The following ZNF655 variants were observed in gnomAD, a reference collection of about 807,000 sequenced individuals.
ZNF655 encodes zinc finger protein 655, also known as Vav-interacting Kruppel-like protein 1.
Under a neutral mutation model 6.6 loss-of-function variants are expected in ZNF655, and 3 were observed. The observed-to-expected ratio is 0.46, with a 90% CI of 0.21 to 1.18. ZNF655 has a LOEUF of 1.18. ZNF655 is among the 50% of genes most tolerant of loss of function. The probability of loss-of-function intolerance (pLI) is 0.24; values close to 1 mark genes in which losing one functional copy is unlikely to be tolerated. For synonymous variants in ZNF655, 178 were observed against 195.0 expected (o/e 0.91, Z 0.73); for missense variants, 526 against 572.3 (o/e 0.92, Z 0.83).
rs150697742 is a variant in ZNF655 at position 99,573,470 on chromosome 7, A to G, written c.1362A>G (p.Gln454=). The G allele has an allele frequency of 6.2e-7, 1 of 1,613,764 alleles. No homozygotes were observed. Among genetic ancestry groups the G allele is most frequent in the Non-Finnish European group, 8.5e-7 (1 of 1,180,030 alleles). The change falls in exon 3 of 3, where the codon CAA becomes CAG. Residue 454 remains glutamine, a synonymous_variant. Coordinates refer to ENST00000252713, the MANE Select transcript of ZNF655 (RefSeq NM_138494.3). ...SFSHSSDLIL[Q]QEVLTRQKAF... is the part of the protein sequence containing the mutation. ...GTCATAGCTCAGATCTTATCCTGCA[A>G]CAAGAAGTCCTCACCAGACAGAAAG...
At chr7:99,570,541 G>C (rs955275445) in intron 2 of ZNF655, 1 of 152,196 alleles carries the variant, frequency 6.6e-6, no homozygotes. Context: ...TGGGCGCACA[G>C]AGTTGGCACT....
intron 2 of ZNF655, chr7:99,570,072 A>C (rs1803922605): frequency 6.6e-6 from 1 of 152,202 alleles, no homozygotes; most frequent in African/African-American, 2.4e-5. Context: ...TTAAACACAC[A>C]TCTAAAATCA....
At chr7:99,566,218 A>G (rs572072616) in intron 2 of ZNF655, among the ~76,000 whole-genome samples, 10 of 152,286 alleles carry the variant, frequency 6.6e-5, no homozygotes, top group African/African-American at 2.4e-4. Flanking sequence ...AAGCCCCTGC[A>G]CTTTTTCACT....
In ZNF655 at chr7:99,573,513, T is replaced by C; in HGVS notation, c.1405T>C (p.Trp469Arg). 1 of 1,611,880 alleles carries C rather than the reference T, an allele frequency of 6.2e-7. No individual in the cohort carries two copies. The highest frequency in any genetic ancestry group is 8.5e-7 in the Non-Finnish European group (1 of 1,179,990). Reference protein sequence around the residue: ...TRQKAFDCDVWEKNSSQRAHL... With the variant: ...TRQKAFDCDVREKNSSQRAHL... ...ACAGAAAGCCTTTGATTGTGATGTATGGGAAAAGAACTCCAGTCAGAGAGC... is the reference window on the plus strand; with the variant it reads ...ACAGAAAGCCTTTGATTGTGATGTACGGGAAAAGAACTCCAGTCAGAGAGC... The change falls in exon 3 of 3, where the codon TGG (tryptophan) becomes CGG (arginine). Residue 469 changes from tryptophan (W) to arginine (R), a missense_variant. Coordinates refer to ENST00000252713, the MANE Select transcript of ZNF655 (RefSeq NM_138494.3).
chr7:99,558,790 G>A lies in ZNF655; in HGVS notation c.-28+3G>A, dbSNP rs1802810416. 6.6e-6 allele frequency: 1 copy of A among 152,354 alleles called. No homozygotes were observed. 9.4% of individuals were successfully genotyped at this position (152,354 alleles called of 1,614,324 possible). A position where few individuals can be genotyped will look rare whatever the true frequency, so the allele number is the denominator to read the frequency against. ...GGCCAGGCCCGCCCCTCCCCTCGGT[G>A]AGTACCCGGAAGCCGTTTTGGGGTC... On this transcript the variant is annotated splice_donor_region_variant and intron_variant, in intron 1 of 2. Coordinates refer to ENST00000252713, the MANE Select transcript of ZNF655 (RefSeq NM_138494.3).
intron 2 of ZNF655, among the ~76,000 whole-genome samples, chr7:99,568,838 A>G (rs181882652): frequency 6.6e-6 from 1 of 152,086 alleles, no homozygotes; most frequent in East Asian, 1.9e-4. Context: ...AGGCTGGAGT[A>G]CAGTGGTGTG....
At position 99,572,724 on chromosome 7, in the gene ZNF655, C is replaced by T. The variant is rs2151170622; in HGVS notation, c.616C>T (p.Pro206Ser). Residue 206 changes from proline (P) to serine (S), a missense_variant, in exon 3 of 3, where the codon CCT (proline) becomes TCT (serine). Coordinates refer to ENST00000252713, the MANE Select transcript of ZNF655 (RefSeq NM_138494.3). ...LSHLNKWESI[P>S]NTEKSYKCDV... Reference sequence around the variant, plus strand: ...CCACCTTAATAAATGGGAGAGCATCCCTAACACTGAGAAATCCTATAAATG... The same window carrying T: ...CCACCTTAATAAATGGGAGAGCATCTCTAACACTGAGAAATCCTATAAATG... 4 of 1,612,982 alleles carry T rather than the reference C, an allele frequency of 2.5e-6. No homozygotes were observed. The highest frequency in any genetic ancestry group is 3.4e-6 in the Non-Finnish European group (4 of 1,179,920).
intron 2 of ZNF655, among the ~76,000 whole-genome samples, chr7:99,570,034 A>G (rs1562936578): frequency 1.3e-5 from 2 of 152,060 alleles, no homozygotes; most frequent in South Asian, 2.1e-4. Flanking sequence ...TCTGCTGGGC[A>G]TTTTCTCTTA....
intron 2 of ZNF655, 134 bp downstream of exon 2, chr7:99,560,829 G>T: frequency 8.8e-7 from 1 of 1,139,294 alleles, no homozygotes; most frequent in Non-Finnish European, 1.2e-6. Flanking sequence ...AATGAAAGAG[G>T]GGGCAGATGT....
intron 2 of ZNF655, among the ~76,000 whole-genome samples, chr7:99,568,002 T>C (rs1304970400): frequency 1.4e-5 from 2 of 143,582 alleles, no homozygotes; most frequent in Admixed American, 7.3e-5. Context: ...GAGGTTGCAG[T>C]GAGCCAAGAT....
rs889065106 is a variant in ZNF655, at chr7:99,574,346, G to T, written c.*762G>T. 1 of 152,072 alleles carries T rather than the reference G, an allele frequency of 6.6e-6. No homozygotes were observed. The highest frequency in any genetic ancestry group is 2.4e-5 in the African/African-American group (1 of 41,420). 9.4% of individuals were successfully genotyped at this position (152,072 alleles called of 1,614,324 possible). The stretch of plus-strand genomic sequence containing the variant: ...GTAAATGCAGTGACATTTTCTCATG[G>T]AGTTCCTTTATTTAATATGTATTCT... On this transcript the variant is annotated 3_prime_UTR_variant, in exon 3 of 3. Transcript: ENST00000252713.
intron 2 of ZNF655, chr7:99,562,353 G>C: frequency 6.2e-7 from 1 of 1,613,788 alleles, no homozygotes; most frequent in Non-Finnish European, 8.5e-7. Flanking sequence ...GAGCAGCCAG[G>C]ATGTGTTATT....
At chr7:99,569,598 CT>C (rs1405672216) in intron 2 of ZNF655, among the ~76,000 whole-genome samples, 1 of 152,142 alleles carries the variant, frequency 6.6e-6, no homozygotes, top group African/African-American at 2.4e-5. Flanking sequence ...GTATTCCCAT[CT>C]GTAAAATGGC....
At chr7:99,562,040 C>A in intron 2 of ZNF655, 2 of 1,366,748 alleles carry the variant, frequency 1.5e-6, no homozygotes, top group South Asian at 1.5e-5. Context: ...GCCTCTCTCT[C>A]ATCCCATCTG....
In ZNF655 at chr7:99,572,971, C is replaced by A; in HGVS notation, c.863C>A (p.Ser288Ter). 1 of 1,614,146 alleles carries A rather than the reference C, an allele frequency of 6.2e-7. No homozygotes were observed. Reference protein sequence around the residue: ...EASDKSCSPSSGIIQHKKIHT... With the variant: ...EASDKSCSPS Reference sequence around the variant, plus strand: ...TCTGATAAATCCTGTAGTCCAAGCTCAGGCATAATTCAGCATAAGAAAATT... The same window carrying A: ...TCTGATAAATCCTGTAGTCCAAGCTAAGGCATAATTCAGCATAAGAAAATT... Residue 288 changes from serine to a stop codon, truncating the protein, a stop_gained, in exon 3 of 3, where the codon TCA becomes TAA. Coordinates refer to ENST00000252713, the MANE Select transcript of ZNF655 (RefSeq NM_138494.3). LOFTEE classifies it low-confidence loss of function (END_TRUNC).
chr7:99,563,586 G>A (rs1283085196), intron 2 of ZNF655, among the ~76,000 whole-genome samples: 1 of 152,096 alleles, frequency 6.6e-6, no homozygotes, highest in African/African-American at 2.4e-5. Flanking sequence ...CCAAAGTGCT[G>A]GAATTACAGG....
intron 2 of ZNF655, chr7:99,563,092 G>A (rs1248798393): frequency 7.4e-6 from 3 of 403,710 alleles, no homozygotes; most frequent in Admixed American, 2.6e-5. Flanking sequence ...GTAATCCCAC[G>A]TAACCACACC....
intron 2 of ZNF655, chr7:99,563,723 T>C: frequency 1.2e-6 from 1 of 860,764 alleles, no homozygotes; most frequent in Non-Finnish European, 1.8e-6. Context: ...TGGCTTTGTC[T>C]ATGCTGGTGG....
chr7:99,571,510 C>A, intron 2 of ZNF655: 1 of 1,137,138 alleles, frequency 8.8e-7, no homozygotes, highest in Non-Finnish European at 1.2e-6. Context: ...ACACATCCCT[C>A]TAGAGCACAA....
Sources: allele counts gnomAD v4.1 joint callset (sites outside exome capture counted in the v4.1 genomes callset), GRCh38; gene constraint gnomAD v4.1.1; transcripts MANE v1.5; gene names NCBI Gene and HGNC (gene_info 2026-07-23, HGNC 2026-07-21).